TG: variants seen among roughly 807,000 people sequenced by gnomAD.
The protein encoded by TG is thyroid hormones.
TG carries 270 observed loss-of-function variants against 324.7 expected under a neutral mutation model. The observed-to-expected ratio is 0.83, with a 90% CI of 0.75 to 0.92. The LOEUF is 0.92. TG is among the 40% of genes least tolerant of loss of function. The probability of loss-of-function intolerance (pLI) is 0.00; values close to 1 mark genes in which losing one functional copy is unlikely to be tolerated. For missense variants in TG, 3,591 were observed against 3,456.4 expected, an observed-to-expected ratio of 1.04 and a Z score of -0.98; for synonymous variants, 1,401 against 1,327.0, an observed-to-expected ratio of 1.06 and a Z score of -1.21.
chr8:132,898,269 T>C, intron 13 of TG, 23 bp downstream of exon 13: 1 of 1,570,330 alleles, frequency 6.4e-7, no homozygotes, highest in Non-Finnish European at 8.6e-7. Context: ...TGCAGAGTTC[T>C]CCTCCTGACC....
At chr8:133,084,073 G>A (rs1846137927) in intron 41 of TG, among the ~76,000 whole-genome samples, 1 of 152,186 alleles carries the variant, frequency 6.6e-6, no homozygotes, top group Non-Finnish European at 1.5e-5. Context: ...CTTTCTGCAT[G>A]CATTGTGTTT....
chr8:133,122,743 T>G (rs368667604), intron 45 of TG, among the ~76,000 whole-genome samples: 35 of 152,214 alleles, frequency 2.3e-4, no homozygotes, highest in African/African-American at 8.4e-4. Context: ...TGCGTGTGAG[T>G]GTATGCATGT....
chr8:132,875,100 A>G (rs892889410), intron 5 of TG, among the ~76,000 whole-genome samples: 1 of 152,158 alleles, frequency 6.6e-6, no homozygotes, highest in Non-Finnish European at 1.5e-5. Flanking sequence ...TCATTACACC[A>G]TAGTGAAGAT....
rs1156950429 is a variant in TG, at chr8:132,886,504, G to T, written c.1132G>T (p.Gly378Trp). Residue 378 changes from glycine to tryptophan, a missense_variant, in exon 9 of 48, where the codon GGG (glycine) becomes TGG (tryptophan). Gly to Trp is a radical substitution (Grantham distance 184). Coordinates refer to ENST00000220616, the MANE Select transcript of TG (RefSeq NM_003235.5). ...RQQALSRLYF[G>W]TSGYFSQHDL... is the part of the protein sequence containing the mutation. The stretch of plus-strand genomic sequence containing the variant: ...GCAGGCCTTGTCCAGACTCTACTTT[G>T]GGACCTCAGGCTACTTCAGCCAGCA... The T allele has an allele frequency of 1.5e-5, 24 of 1,614,066 alleles. No individual in the cohort carries two copies. The highest frequency in any genetic ancestry group is 2.0e-5 in the Non-Finnish European group (24 of 1,180,042).
At chr8:133,050,115 G>A (rs756020706) in intron 41 of TG, 1 of 733,108 alleles carries the variant, frequency 1.4e-6, no homozygotes, top group Admixed American at 2.0e-5. Context: ...TCTGTCACTG[G>A]CCACGTTAAC....
In TG at chr8:133,050,120, G is replaced by A. The variant is rs189429532; in HGVS notation, c.7239+20097G>A. On this transcript the variant is annotated intron_variant, in intron 41 of 47. Coordinates refer to ENST00000220616, the MANE Select transcript of TG (RefSeq NM_003235.5). ...TCTTTTAAGATCTGTCACTGGCCAC[G>A]TTAACCCATATTTCGTCATCTGAAA... is the stretch of plus-strand genomic sequence containing the variant. 556 of 711,886 alleles carry A rather than the reference G, an allele frequency of 7.8e-4. 1 individual carries two copies. Among genetic ancestry groups the A allele is most frequent in the African/African-American group, 4.5e-3 (253 of 56,750 alleles). 44.1% of individuals were successfully genotyped at this position (711,886 alleles called of 1,614,324 possible).
At chr8:132,930,988 T>G (rs953534337) in intron 23 of TG, among the ~76,000 whole-genome samples, 5 of 152,176 alleles carry the variant, frequency 3.3e-5, no homozygotes, top group African/African-American at 1.2e-4. Context: ...CATCCAGCAC[T>G]GTGTTAGTCT....
At chr8:132,908,387 G>A in intron 18 of TG, 47 bp downstream of exon 18, 2 of 1,507,852 alleles carry the variant, frequency 1.3e-6, no homozygotes, top group Non-Finnish European at 1.8e-6. Flanking sequence ...CTCAACTCAG[G>A]GTTACGGTGT....
At chr8:133,124,531 T>C (rs1851377361) in intron 45 of TG, among the ~76,000 whole-genome samples, 1 of 152,236 alleles carries the variant, frequency 6.6e-6, no homozygotes, top group Non-Finnish European at 1.5e-5. Flanking sequence ...GCTGTTTGCA[T>C]TTAAACAAAA....
chr8:132,941,482 C>G lies in TG; in HGVS notation c.5173C>G (p.Leu1725Val), dbSNP rs1187990290. The G allele has an allele frequency of 1.2e-6, 2 of 1,614,104 alleles. No homozygotes were observed. The highest frequency in any genetic ancestry group is 2.2e-5 in the East Asian group (1 of 44,896). The change falls in exon 26 of 48, where the codon CTT (leucine) becomes GTT (valine). Residue 1725 changes from leucine (L) to valine (V), a missense_variant. Leu to Val is a conservative substitution (Grantham distance 32, BLOSUM62 1). Transcript: ENST00000220616. ...TCTAACCGATGCTCACCTCTTCTGT[C>G]TTCTTGCATGCGACCGTGATCTGTG... ...ANLTDAHLFC[L>V]LACDRDLCCD...
In TG at chr8:133,070,029, A is replaced by AAAAAAC. The variant is rs376711807; in HGVS notation, c.7240-25014_7240-25013insAAAACA. ...AAAAAAAAAAAAAAAAAAAAAAAGA[A>AAAAAAC]AGAAAGAAAGAAAAGAAAAGAAGAA... On this transcript the variant is annotated intron_variant, in intron 41 of 47. Transcript: ENST00000220616. 2.1e-4 allele frequency among the ~76,000 whole-genome samples: 23 copies of AAAAAAC among 109,796 alleles called. 2 individuals are homozygous for AAAAAAC. Among genetic ancestry groups the AAAAAAC allele is most frequent in the African/African-American group, 3.9e-4 (10 of 25,816 alleles). The allele number at this position is 109,796 out of a possible 152,430, so 72.0% of individuals were successfully genotyped here.
At chr8:132,939,178 G>A (rs1175846688) in intron 25 of TG, among the ~76,000 whole-genome samples, 1 of 152,140 alleles carries the variant, frequency 6.6e-6, no homozygotes, top group Non-Finnish European at 1.5e-5. Context: ...GGAACCTTTG[G>A]CAGTGATGGA....
rs1828855474 is a variant in TG, at chr8:132,967,815, T to C, written c.5708T>C (p.Phe1903Ser). The change falls in exon 31 of 48, where the codon TTC (phenylalanine) becomes TCC (serine). Residue 1903 changes from phenylalanine to serine, a missense_variant. Transcript: ENST00000220616. ...CLSRCVQEHS[F>S]CQLAEITESA... ...GTAGGTTGTGTGCAGGAGCACTCTTTCTGTCAGCTCGCAGAGATAACAGAG... is the reference window on the plus strand; with the variant it reads ...GTAGGTTGTGTGCAGGAGCACTCTTCCTGTCAGCTCGCAGAGATAACAGAG... The C allele has an allele frequency of 6.2e-7, 1 of 1,613,892 alleles. No individual in the cohort carries two copies. Among genetic ancestry groups the C allele is most frequent in the East Asian group, 2.2e-5 (1 of 44,862 alleles).
chr8:132,974,564 T>C (rs533905726), intron 34 of TG, among the ~76,000 whole-genome samples: 6 of 152,124 alleles, frequency 3.9e-5, no homozygotes, highest in Non-Finnish European at 5.9e-5. Context: ...ACCCCAAACT[T>C]ATTCTCCTTC....
At chr8:132,959,313 A>G (rs982654053) in intron 27 of TG, among the ~76,000 whole-genome samples, 5 of 152,212 alleles carry the variant, frequency 3.3e-5, no homozygotes, top group African/African-American at 1.2e-4. Context: ...CACCTCAAAA[A>G]GACACTTTGA....
At chr8:132,970,449 A>G (rs1829341766) in intron 32 of TG, among the ~76,000 whole-genome samples, 3 of 152,182 alleles carry the variant, frequency 2.0e-5, no homozygotes. Flanking sequence ...CCTGGGATGG[A>G]GTTCAAGAAT....
chr8:132,970,484 G>A (rs970234317), intron 32 of TG, among the ~76,000 whole-genome samples: 1 of 152,144 alleles, frequency 6.6e-6, no homozygotes, highest in Non-Finnish European at 1.5e-5. Context: ...AGCTTCCCCT[G>A]GTGATTCTTT....
rs765065344 is a variant in TG at position 132,888,165 on chromosome 8, A to G, written c.2358A>G (p.Gln786=). 29 of 1,613,988 alleles carry G rather than the reference A, an allele frequency of 1.8e-5. No homozygotes were observed. Among genetic ancestry groups the G allele is most frequent in the Non-Finnish European group, 2.4e-5 (28 of 1,179,992 alleles). The part of the protein sequence containing the change: ...GPPEQVFELY[Q]RWEAQNKGQD... Reference sequence around the variant, plus strand: ...CTGAGCAGGTCTTCGAGTTGTACCAACGATGGGAGGCTCAGAACAAGGGCC... The same window carrying G: ...CTGAGCAGGTCTTCGAGTTGTACCAGCGATGGGAGGCTCAGAACAAGGGCC... The change falls in exon 10 of 48, where the codon CAA becomes CAG. Residue 786 remains glutamine, a synonymous_variant. Transcript: ENST00000220616.
intron 35 of TG, among the ~76,000 whole-genome samples, chr8:132,988,370 A>G (rs1831870259): frequency 6.6e-6 from 1 of 152,226 alleles, no homozygotes. Context: ...TGCATCAGCA[A>G]GGCTCAGGCA....
Sources: allele counts gnomAD v4.1 joint callset (sites outside exome capture counted in the v4.1 genomes callset), GRCh38; gene constraint gnomAD v4.1.1; transcripts MANE v1.5; gene names NCBI Gene and HGNC (gene_info 2026-07-23, HGNC 2026-07-21).